The following EWSR1 variants were observed in gnomAD, a reference collection of about 807,000 sequenced individuals.
EWSR1 encodes EWS RNA binding protein 1.
A neutral mutation model predicts 92.1 loss-of-function variants in EWSR1; 14 were observed. The observed-to-expected ratio is 0.15, with a 90% CI of 0.10 to 0.24. The LOEUF is 0.24. Ranked by LOEUF, EWSR1 falls within the 10% of genes least tolerant of loss-of-function variation. EWSR1 has a pLI of 1.00. For missense variants in EWSR1, 637 were observed against 870.9 expected (o/e 0.73, Z 3.38); for synonymous variants, 303 against 292.9 (o/e 1.03, Z -0.35).
intron 13 of EWSR1, 113 bp downstream of exon 13, chr22:29,298,062 T>G: frequency 1.7e-6 from 2 of 1,190,594 alleles, no homozygotes; most frequent in Non-Finnish European, 1.2e-6. Flanking sequence ...GAGTCAATAC[T>G]AGACTATCGA....
chr22:29,278,824 C>CAAA (rs528971696), intron 5 of EWSR1, among the ~76,000 whole-genome samples: 82 of 141,348 alleles, frequency 5.8e-4, no homozygotes, highest in African/African-American at 2.0e-3. Flanking sequence ...GACTCGGTCT[C>CAAA]AAAAAAAAAA....
At chr22:29,286,505 G>A (rs2060043708) in intron 6 of EWSR1, among the ~76,000 whole-genome samples, 1 of 151,838 alleles carries the variant, frequency 6.6e-6, no homozygotes. Flanking sequence ...TGGCTAACAA[G>A]ATGAAACCCT....
At chr22:29,280,637 A>G (rs1377292659) in intron 5 of EWSR1, among the ~76,000 whole-genome samples, 3 of 150,740 alleles carry the variant, frequency 2.0e-5, no homozygotes, top group Middle Eastern at 3.5e-3. Context: ...CCAGTTTAGG[A>G]AATGATTTTT....
At chr22:29,295,499 C>A (rs2060785920) in intron 11 of EWSR1, 1 of 211,300 alleles carries the variant, frequency 4.7e-6, no homozygotes, top group Non-Finnish European at 9.6e-6. Flanking sequence ...ATTATTCATA[C>A]CACAGTTTTG....
rs757491500 is a variant in EWSR1 at position 29,299,854 on chromosome 22, A to G, written c.1931+3A>G. On this transcript the variant is annotated splice_donor_region_variant and intron_variant, in intron 16 of 16. Coordinates refer to ENST00000397938, the MANE Select transcript of EWSR1 (RefSeq NM_005243.4). ...GGAGGACCTGGAAAAATGGATAAGTAAGTGCTGGTGAAAAGCAGCTGTGGG... is the reference window on the plus strand; with the variant it reads ...GGAGGACCTGGAAAAATGGATAAGTGAGTGCTGGTGAAAAGCAGCTGTGGG... The G allele has an allele frequency of 3.0e-5, 46 of 1,540,240 alleles. No individual in the cohort carries two copies. The highest frequency in any genetic ancestry group is 6.8e-5 in the East Asian group (3 of 44,084).
intron 11 of EWSR1, 75 bp downstream of exon 11, chr22:29,292,681 T>A: frequency 1.1e-6 from 1 of 941,970 alleles, no homozygotes; most frequent in Non-Finnish European, 1.7e-6. Context: ...GAATTGATGT[T>A]GAGAGTTGTT....
rs559661693 is a variant in EWSR1, at chr22:29,278,183, A to G, written c.380A>G (p.Tyr127Cys). 2 of 1,614,088 alleles carry G rather than the reference A, an allele frequency of 1.2e-6. No individual in the cohort carries two copies. Among genetic ancestry groups the G allele is most frequent in the African/African-American group, 1.3e-5 (1 of 75,060 alleles). Residue 127 changes from tyrosine to cysteine, a missense_variant, in exon 5 of 17, where the codon TAT (tyrosine) becomes TGT (cysteine). Around this residue, in one of 5 missense-constraint regions of EWSR1, gnomAD observed 144 missense variants for 189.0 expected, o/e 0.76. Coordinates refer to ENST00000397938, the MANE Select transcript of EWSR1 (RefSeq NM_005243.4). ...GGCACTCAGCCTGCTTATCCAGCCTATGGGCAGCAGCCAGCAGCCACTGCA... is the reference window on the plus strand; with the variant it reads ...GGCACTCAGCCTGCTTATCCAGCCTGTGGGCAGCAGCCAGCAGCCACTGCA... ...AYGTQPAYPAYGQQPAATAPT... is the reference protein window; with the variant it reads ...AYGTQPAYPACGQQPAATAPT...
At position 29,268,311 on chromosome 22, in the gene EWSR1, G is replaced by A; in HGVS notation, c.-26G>A. 6.2e-7 allele frequency: 1 copy of A among 1,613,260 alleles called. No individual in the cohort carries two copies. The highest frequency in any genetic ancestry group is 1.1e-5 in the South Asian group (1 of 91,060). ...GGAAAGCGAGAGGGAGACGGACGTT[G>A]AGAGAACGAGGAGGAAGGAGAGAAA... is the stretch of plus-strand genomic sequence containing the variant. On this transcript the variant is annotated 5_prime_UTR_variant, in exon 1 of 17. Transcript: ENST00000397938.
intron 5 of EWSR1, among the ~76,000 whole-genome samples, chr22:29,281,727 C>T (rs1442791268): frequency 6.6e-6 from 1 of 152,020 alleles, no homozygotes; most frequent in African/African-American, 2.4e-5. Context: ...ACTACAGGCG[C>T]CCACCACCAT....
At chr22:29,297,021 A>G (rs757038941) in intron 12 of EWSR1, among the ~76,000 whole-genome samples, 8 of 152,166 alleles carry the variant, frequency 5.3e-5, no homozygotes, top group African/African-American at 9.7e-5. Flanking sequence ...CTGCACTCCA[A>G]CCTGGGCAAC....
chr22:29,272,727 A>C (rs1412166210), intron 3 of EWSR1, among the ~76,000 whole-genome samples: 2 of 152,228 alleles, frequency 1.3e-5, no homozygotes, highest in African/African-American at 4.8e-5. Flanking sequence ...GAATTTATTC[A>C]TCATAGCAAT....
rs544240432 is a variant in EWSR1, at chr22:29,285,998, T to C, written c.582-925T>C. 1.3e-5 allele frequency among the ~76,000 whole-genome samples: 2 copies of C among 151,238 alleles called. 1 individual carries two copies. Among genetic ancestry groups the C allele is most frequent in the South Asian group, 4.2e-4 (2 of 4,784 alleles). On this transcript the variant is annotated intron_variant, in intron 6 of 16. Coordinates refer to ENST00000397938, the MANE Select transcript of EWSR1 (RefSeq NM_005243.4). ...GACTACAGGCGCCCACCACCAGGCC[T>C]GGCTAATTTTTTGTATTTTTTAGTA...
chr22:29,276,499 C>T (rs1391925638), intron 4 of EWSR1: 1 of 222,294 alleles, frequency 4.5e-6, no homozygotes, highest in African/African-American at 2.2e-5. Flanking sequence ...GGTGATTGTA[C>T]AAAAGGAAGC....
intron 1 of EWSR1, among the ~76,000 whole-genome samples, chr22:29,270,303 G>A (rs146690304): frequency 1.3e-5 from 2 of 152,316 alleles, no homozygotes; most frequent in East Asian, 1.9e-4. Context: ...ATGCAGACTC[G>A]CAGCAATCTA....
chr22:29,281,443 C>G (rs913051597), intron 5 of EWSR1, among the ~76,000 whole-genome samples: 4 of 152,044 alleles, frequency 2.6e-5, no homozygotes, highest in Non-Finnish European at 5.9e-5. Context: ...TAGCTGAGAC[C>G]ACAGGCATGT....
chr22:29,280,900 G>T (rs1310473174), intron 5 of EWSR1, among the ~76,000 whole-genome samples: 6 of 36,140 alleles, frequency 1.7e-4, no homozygotes, highest in Non-Finnish European at 3.9e-4. Flanking sequence ...TTTTTTTTTT[G>T]ACAGAGTCTT....
At chr22:29,299,020 G>GGACACTA (rs879619961) in intron 14 of EWSR1, 125 bp downstream of exon 14, 274 of 1,319,240 alleles carry the variant, frequency 2.1e-4, no homozygotes, top group Non-Finnish European at 2.5e-4. Flanking sequence ...GGCTGGTTAG[G>GGACACTA]GACACTAGTC....
intron 6 of EWSR1, among the ~76,000 whole-genome samples, chr22:29,283,576 A>G (rs2059785503): frequency 6.6e-6 from 1 of 151,244 alleles, no homozygotes; most frequent in South Asian, 2.1e-4. Flanking sequence ...CCCAGGCTGG[A>G]GTGCAATGGC....
In EWSR1 at chr22:29,297,823, C is replaced by T. The variant is rs1433141413; in HGVS notation, c.1295-4C>T. The T allele has an allele frequency of 3.1e-6, 5 of 1,613,586 alleles. No individual in the cohort carries two copies. Among genetic ancestry groups the T allele is most frequent in the African/African-American group, 2.7e-5 (2 of 74,938 alleles). On this transcript the variant is annotated splice_region_variant and splice_polypyrimidine_tract_variant and intron_variant, in intron 12 of 16. Coordinates refer to ENST00000397938, the MANE Select transcript of EWSR1 (RefSeq NM_005243.4). ...GTAATTGATGTTCTGTTGTCTTGTT[C>T]CAGGGAAAGATTTTCAAGGGAGCAA...
Sources: gnomAD v4.1 joint callset for allele counts (sites outside exome capture counted in the v4.1 genomes callset) on GRCh38, gnomAD v4.1.1 for gene constraint, gnomAD v4.1.1 regional missense constraint, MANE v1.5 for transcripts, NCBI Gene and HGNC (gene_info 2026-07-23, HGNC 2026-07-21) for gene names.